SCUBE3: variants seen among roughly 807,000 people sequenced by gnomAD.
SCUBE3 encodes signal peptide, CUB domain and EGF like domain containing 3.
Under a neutral mutation model 116.8 loss-of-function variants are expected in SCUBE3, and 33 were observed. The ratio of observed to expected loss-of-function variants is 0.28; its 90% CI spans 0.21 to 0.38. The LOEUF is 0.38. Ranked by LOEUF, SCUBE3 falls within the 10% of genes least tolerant of loss-of-function variation. The pLI is 1.00. For missense variants in SCUBE3, 1,007 were observed against 1,324.8 expected, an observed-to-expected ratio of 0.76 and a Z score of 3.72; for synonymous variants, 418 against 496.9, an observed-to-expected ratio of 0.84 and a Z score of 2.11.
chr6:35,219,848 G>A lies in SCUBE3; in HGVS notation c.85+5345G>A, dbSNP rs751914696. On this transcript the variant is annotated intron_variant, in intron 1 of 21. Transcript: ENST00000274938. This position sits in a 1 kb window ranked among gnomAD's most constrained non-coding sequence, Gnocchi z 4.7. ...GTTAACAGCAGGAACCTGTATCCCTGGTGTTTGTTTTTGTTTCTAACCAGC... is the reference window on the plus strand; with the variant it reads ...GTTAACAGCAGGAACCTGTATCCCTAGTGTTTGTTTTTGTTTCTAACCAGC... Among the ~76,000 whole-genome samples, 1 of 152,156 alleles carries A rather than the reference G, an allele frequency of 6.6e-6. No individual in the cohort carries two copies. The highest frequency in any genetic ancestry group is 1.5e-5 in the Non-Finnish European group (1 of 68,018).
chr6:35,244,922 A>G lies in SCUBE3; in HGVS notation c.2401+111A>G, dbSNP rs896060092. The G allele has an allele frequency of 1.8e-6, 2 of 1,100,320 alleles. No homozygotes were observed. Among genetic ancestry groups the G allele is most frequent in the East Asian group, 2.4e-5 (1 of 42,258 alleles). 68.2% of individuals were successfully genotyped at this position (1,100,320 alleles called of 1,614,324 possible). On this transcript the variant is annotated intron_variant, in intron 18 of 21. Coordinates refer to ENST00000274938, the MANE Select transcript of SCUBE3 (RefSeq NM_152753.4). The surrounding 1 kb of genome is among the most constrained non-coding windows in gnomAD (Gnocchi z 4.3). Reference sequence around the variant, plus strand: ...GAGCAGGGCTGGGGGGTGGAGGAGCAGGAAAACTCCACCTTCCACCTCTCC... The same window carrying G: ...GAGCAGGGCTGGGGGGTGGAGGAGCGGGAAAACTCCACCTTCCACCTCTCC...
intron 1 of SCUBE3, among the ~76,000 whole-genome samples, chr6:35,226,480 C>CTTTTTTTTTTTTTTTTTTGTTT (rs1783329203): frequency 1.2e-5 from 1 of 85,204 alleles, no homozygotes; most frequent in African/African-American, 4.8e-5. Context: ...TTTCTATGTC[C>CTTTTTTTTTTTTTTTTTTGTTT]TTTTTTTTTT....
chr6:35,239,715 A>C lies in SCUBE3; in HGVS notation c.830-37A>C. The stretch of plus-strand genomic sequence containing the variant: ...TCTCCTTGTTTGTTCTCAGCCTTTG[A>C]TAGTATCTTTTATCCTGTTTTGTCC... On this transcript the variant is annotated intron_variant, in intron 7 of 21. Coordinates refer to ENST00000274938, the MANE Select transcript of SCUBE3 (RefSeq NM_152753.4). This position sits in a 1 kb window ranked among gnomAD's most constrained non-coding sequence, Gnocchi z 4.1. The C allele has an allele frequency of 1.2e-6, 2 of 1,601,644 alleles. No individual in the cohort carries two copies. Among genetic ancestry groups the C allele is most frequent in the Non-Finnish European group, 1.7e-6 (2 of 1,173,930 alleles).
At chr6:35,236,275 C>T (rs767929852) in intron 6 of SCUBE3, among the ~76,000 whole-genome samples, 22 of 152,174 alleles carry the variant, frequency 1.4e-4, no homozygotes, top group East Asian at 3.9e-4. Flanking sequence ...TCAAGAATGC[C>T]GTCCTGCACA....
At chr6:35,224,381 A>T (rs1263376559) in intron 1 of SCUBE3, 1 of 152,128 alleles carries the variant, frequency 6.6e-6, no homozygotes, top group Non-Finnish European at 1.5e-5. Flanking sequence ...TAATCCCAGC[A>T]CTTTGGGAGG....
At position 35,244,883 on chromosome 6, in the gene SCUBE3, G is replaced by A. The variant is rs756427409; in HGVS notation, c.2401+72G>A. ...AGCAGTGGACATCTAAAGGAGGGGT[G>A]TGAAACCAACAGGGAGCAGGGCTGG... On this transcript the variant is annotated intron_variant, in intron 18 of 21. Transcript: ENST00000274938. This position sits in a 1 kb window ranked among gnomAD's most constrained non-coding sequence, Gnocchi z 4.3. 20 of 1,481,136 alleles carry A rather than the reference G, an allele frequency of 1.4e-5. No individual in the cohort carries two copies. Among genetic ancestry groups the A allele is most frequent in the Non-Finnish European group, 1.7e-5 (18 of 1,066,950 alleles). 91.7% of individuals were successfully genotyped at this position (1,481,136 alleles called of 1,614,324 possible). A position where few individuals can be genotyped will look rare whatever the true frequency, so the allele number is the denominator to read the frequency against.
intron 20 of SCUBE3, 29 bp from the exon 21 acceptor site, chr6:35,246,175 CCT>C: frequency 1.2e-6 from 2 of 1,612,524 alleles, no homozygotes; most frequent in South Asian, 1.1e-5. Context: ...AGCTCCCGCC[CCT>C]GAGCCCCTCA....
At position 35,248,788 on chromosome 6, in the gene SCUBE3, G is replaced by A; in HGVS notation, c.*83G>A. On this transcript the variant is annotated 3_prime_UTR_variant, in exon 22 of 22. Transcript: ENST00000274938. ...CCGGCAGCCCCCTACCCTCAGACAA[G>A]GAACTCTCTCCTCTCTTTTTGGAGG... 1 of 1,066,420 alleles carries A rather than the reference G, an allele frequency of 9.4e-7. No individual in the cohort carries two copies. Among genetic ancestry groups the A allele is most frequent in the Non-Finnish European group, 1.4e-6 (1 of 721,600 alleles). 66.1% of individuals were successfully genotyped at this position (1,066,420 alleles called of 1,614,324 possible). A position where few individuals can be genotyped will look rare whatever the true frequency, so the allele number is the denominator to read the frequency against.
rs947163902 is a variant in SCUBE3 at position 35,219,895 on chromosome 6, A to G, written c.85+5392A>G. The stretch of plus-strand genomic sequence containing the variant: ...CAGCTGCTTGGCCCCAGCATAGTGA[A>G]TCCAAGGGCAGGCAACACCTGCCCA... On this transcript the variant is annotated intron_variant, in intron 1 of 21. Coordinates refer to ENST00000274938, the MANE Select transcript of SCUBE3 (RefSeq NM_152753.4). This position sits in a 1 kb window ranked among gnomAD's most constrained non-coding sequence, Gnocchi z 4.7. Among the ~76,000 whole-genome samples, 1 of 152,058 alleles carries G rather than the reference A, an allele frequency of 6.6e-6. No individual in the cohort carries two copies. The highest frequency in any genetic ancestry group is 1.5e-5 in the Non-Finnish European group (1 of 68,002).
At position 35,214,907 on chromosome 6, in the gene SCUBE3, C is replaced by G. The variant is rs1782825473; in HGVS notation, c.85+404C>G. Among the ~76,000 whole-genome samples the G allele has an allele frequency of 6.6e-6, 1 of 152,204 alleles. No individual in the cohort carries two copies. The highest frequency in any genetic ancestry group is 2.4e-5 in the African/African-American group (1 of 41,442). On this transcript the variant is annotated intron_variant, in intron 1 of 21. Coordinates refer to ENST00000274938, the MANE Select transcript of SCUBE3 (RefSeq NM_152753.4). The surrounding 1 kb of genome is among the most constrained non-coding windows in gnomAD (Gnocchi z 6.3). ...TGAGGGAATAATGAAAACTTTTCAG[C>G]CGTGCCGTATATTTCTTTCCCTTAC...
At chr6:35,238,373 T>A (rs1581935518) in intron 7 of SCUBE3, among the ~76,000 whole-genome samples, 1 of 152,294 alleles carries the variant, frequency 6.6e-6, no homozygotes, top group East Asian at 1.9e-4. Flanking sequence ...GTCACAGGTG[T>A]GTTCCATAAC....
rs1783935266 is a variant in SCUBE3 at position 35,239,540 on chromosome 6, C to T, written c.830-212C>T. On this transcript the variant is annotated intron_variant, in intron 7 of 21. Transcript: ENST00000274938. The surrounding 1 kb of genome is among the most constrained non-coding windows in gnomAD (Gnocchi z 4.1). ...CCAGAAGAGAGGGTGTTACTAATGG[C>T]CACAGATCCCCTGAACAGGGAAGAA... 6.6e-6 allele frequency among the ~76,000 whole-genome samples: 1 copy of T among 152,034 alleles called. No individual in the cohort carries two copies.
rs1175439101 is a variant in SCUBE3, at chr6:35,245,618, CAG to C, written c.2599+196_2599+197del. ...GCAATGACACATGTTTGGTAGAAAACAGAGTTAAGAAAGCTAGCAGTGGGGCT... is the reference window on the plus strand; with the variant it reads ...GCAATGACACATGTTTGGTAGAAAACAGTTAAGAAAGCTAGCAGTGGGGCT... On this transcript the variant is annotated intron_variant, in intron 19 of 21. Coordinates refer to ENST00000274938, the MANE Select transcript of SCUBE3 (RefSeq NM_152753.4). The surrounding 1 kb of genome is among the most constrained non-coding windows in gnomAD (Gnocchi z 4.2). 9.8e-5 allele frequency among the ~76,000 whole-genome samples: 15 copies of C among 152,306 alleles called. No individual in the cohort carries two copies. The East Asian group carries it at 2.9e-3, about 29-fold the overall frequency.
In SCUBE3 at chr6:35,241,492, A is replaced by C. The variant is rs1245048661; in HGVS notation, c.1196-51A>C. ...GTAGCTGATTCCTCCAAATTACCCA[A>C]CTGAGGGAAAGGAATGCATTCATTT... On this transcript the variant is annotated intron_variant, in intron 10 of 21. Coordinates refer to ENST00000274938, the MANE Select transcript of SCUBE3 (RefSeq NM_152753.4). The surrounding 1 kb of genome is among the most constrained non-coding windows in gnomAD (Gnocchi z 4.1). The C allele has an allele frequency of 3.0e-6, 4 of 1,347,398 alleles. No individual in the cohort carries two copies. In the South Asian group the frequency reaches 3.5e-5, roughly 12 times the overall value. The allele number at this position is 1,347,398 out of a possible 1,614,324, so 83.5% of individuals were successfully genotyped here. A position where few individuals can be genotyped will look rare whatever the true frequency, so the allele number is the denominator to read the frequency against.
chr6:35,226,345 C>T (rs1783320681), intron 1 of SCUBE3, among the ~76,000 whole-genome samples: 1 of 152,074 alleles, frequency 6.6e-6, no homozygotes, highest in African/African-American at 2.4e-5. Context: ...CTTTGAGCCT[C>T]CACAGCTATC....
chr6:35,217,222 C>G (rs183793125), intron 1 of SCUBE3, among the ~76,000 whole-genome samples: 1 of 1,068 alleles, frequency 9.4e-4, no homozygotes, highest in African/African-American at 2.6e-3. Context: ...GGGTGTTTGG[C>G]GGGGGGGGGG....
intron 1 of SCUBE3, among the ~76,000 whole-genome samples, chr6:35,215,388 C>T (rs944551054): frequency 6.6e-6 from 1 of 152,132 alleles, no homozygotes; most frequent in African/African-American, 2.4e-5. Flanking sequence ...ACAGTTCTCT[C>T]GGGACAGTTT....
chr6:35,225,345 G>A (rs1416924082), intron 1 of SCUBE3, among the ~76,000 whole-genome samples: 1 of 152,242 alleles, frequency 6.6e-6, no homozygotes, highest in African/African-American at 2.4e-5. Flanking sequence ...TTCTGTGATA[G>A]CACATTTCTT....
intron 1 of SCUBE3, chr6:35,223,833 T>G (rs1360216662): frequency 1.3e-5 from 2 of 152,194 alleles, no homozygotes; most frequent in Non-Finnish European, 2.9e-5. Context: ...GAGGAGATAC[T>G]GGGTATAATT....
Sources: allele counts gnomAD v4.1 joint callset (sites outside exome capture counted in the v4.1 genomes callset), GRCh38; gene constraint gnomAD v4.1.1; non-coding constraint Gnocchi (gnomAD v3.1); transcripts MANE v1.5; gene names NCBI Gene and HGNC (gene_info 2026-07-23, HGNC 2026-07-21).